The following ARHGAP28 variants were observed in gnomAD, a reference collection of about 807,000 sequenced individuals.
The protein encoded by ARHGAP28 is rho GTPase-activating protein 28.
Under a neutral mutation model 90.7 loss-of-function variants are expected in ARHGAP28, and 56 were observed. The observed-to-expected ratio is 0.62, with a 90% CI of 0.50 to 0.77. The LOEUF (loss-of-function observed/expected upper bound fraction) is 0.77. Ranked by LOEUF, ARHGAP28 falls within the 30% of genes least tolerant of loss-of-function variation. The pLI, the probability that ARHGAP28 is intolerant of heterozygous loss-of-function variation, is 0.00. For synonymous variants in ARHGAP28, 308 were observed against 323.3 expected, an observed-to-expected ratio of 0.95 and a Z score of 0.51; for missense variants, 869 against 900.9, an observed-to-expected ratio of 0.96 and a Z score of 0.45.
At chr18:6,828,151 C>G (rs1182275334) in intron 2 of ARHGAP28, among the ~76,000 whole-genome samples, 1 of 152,180 alleles carries the variant, frequency 6.6e-6, no homozygotes, top group Non-Finnish European at 1.5e-5. Context: ...GAGCTGGAGA[C>G]CAGCCCGGCC....
intron 12 of ARHGAP28, among the ~76,000 whole-genome samples, chr18:6,888,816 C>T (rs893479486): frequency 2.1e-4 from 32 of 152,126 alleles, no homozygotes; most frequent in African/African-American, 7.5e-4. Flanking sequence ...CTCTCTCTCT[C>T]TCTGTCTCTC....
At chr18:6,787,023 C>T (rs144102440) in intron 1 of ARHGAP28, among the ~76,000 whole-genome samples, 2 of 151,988 alleles carry the variant, frequency 1.3e-5, no homozygotes, top group Non-Finnish European at 2.9e-5. Flanking sequence ...AGTTTGAGAC[C>T]AGCCTGGCCA....
At chr18:6,873,078 G>C (rs2057102636) in intron 7 of ARHGAP28, among the ~76,000 whole-genome samples, 1 of 152,124 alleles carries the variant, frequency 6.6e-6, no homozygotes, top group African/African-American at 2.4e-5. Flanking sequence ...TTCCAATTAA[G>C]GGCCATGGTG....
intron 1 of ARHGAP28, among the ~76,000 whole-genome samples, chr18:6,802,921 T>C (rs2056492687): frequency 6.6e-6 from 1 of 152,188 alleles, no homozygotes; most frequent in Non-Finnish European, 1.5e-5. Flanking sequence ...AATACAATTA[T>C]TGTTTTCTAT....
chr18:6,799,355 T>C (rs1168971090), intron 1 of ARHGAP28, among the ~76,000 whole-genome samples: 3 of 152,160 alleles, frequency 2.0e-5, no homozygotes, highest in Non-Finnish European at 4.4e-5. Flanking sequence ...CAAGCTACCA[T>C]TGACTTTCTT....
intron 9 of ARHGAP28, chr18:6,874,961 G>A (rs563447008): frequency 2.6e-4 from 40 of 152,386 alleles, no homozygotes; most frequent in Middle Eastern, 3.4e-3. Context: ...TCAGCAAGAG[G>A]TGGAGTGGGA....
At chr18:6,736,558 G>A (rs1478341290) in intron 1 of ARHGAP28, among the ~76,000 whole-genome samples, 1 of 148,038 alleles carries the variant, frequency 6.8e-6, no homozygotes, top group Non-Finnish European at 1.5e-5. Context: ...TGACTAACAT[G>A]GTGAAACCCC....
At chr18:6,849,611 A>T (rs2056893865) in intron 3 of ARHGAP28, among the ~76,000 whole-genome samples, 1 of 152,212 alleles carries the variant, frequency 6.6e-6, no homozygotes, top group South Asian at 2.1e-4. Flanking sequence ...TAAATTGGTG[A>T]GTATCAAGAT....
intron 1 of ARHGAP28, among the ~76,000 whole-genome samples, chr18:6,778,795 A>G (rs1448577146): frequency 6.6e-6 from 1 of 152,086 alleles, no homozygotes; most frequent in East Asian, 1.9e-4. Flanking sequence ...GACTGTCTGG[A>G]AATGTTTTTA....
Position 6,788,332 on chromosome 18 carries a change from C to T in ARHGAP28, c.123-36430C>T, listed in dbSNP as rs192936709. Among the ~76,000 whole-genome samples, 354 of 152,240 alleles carry T rather than the reference C, an allele frequency of 2.3e-3. 1 individual carries two copies. The highest frequency in any genetic ancestry group is 7.3e-3 in the African/African-American group (305 of 41,564). ...AGTTTCCTGAGGCCTCCCCAGAAGC[C>T]GAGCAGATGCCAGCATCATGCTTCC... On this transcript the variant is annotated intron_variant, in intron 1 of 17. Coordinates refer to ENST00000383472, the MANE Select transcript of ARHGAP28 (RefSeq NM_001366230.1).
chr18:6,745,640 C>G (rs2056016890), intron 1 of ARHGAP28, among the ~76,000 whole-genome samples: 1 of 152,186 alleles, frequency 6.6e-6, no homozygotes, highest in South Asian at 2.1e-4. Flanking sequence ...CCTTCAATTA[C>G]TCCTTCCAGG....
intron 1 of ARHGAP28, among the ~76,000 whole-genome samples, chr18:6,764,833 AATTACGGGCAGTTGCTGTCTGGCC>A (rs1434020604): frequency 5.4e-4 from 83 of 152,322 alleles, no homozygotes; most frequent in African/African-American, 1.2e-3. Context: ...TAATGTTAGA[AATTACGGGCAGTTGCTGTCTGGCC>A]ATTTTATTTC....
At chr18:6,801,783 C>G (rs1329211553) in intron 1 of ARHGAP28, among the ~76,000 whole-genome samples, 1 of 152,020 alleles carries the variant, frequency 6.6e-6, no homozygotes, top group Non-Finnish European at 1.5e-5. Context: ...TTATTCCCTT[C>G]TTAGCTATAT....
chr18:6,891,788 T>A (rs1436722060), intron 14 of ARHGAP28, among the ~76,000 whole-genome samples: 2 of 152,124 alleles, frequency 1.3e-5, no homozygotes, highest in Non-Finnish European at 2.9e-5. Context: ...GATGGGGGTC[T>A]TGCTGTATTG....
chr18:6,832,834 A>G (rs1021864197), intron 2 of ARHGAP28, among the ~76,000 whole-genome samples: 7 of 152,096 alleles, frequency 4.6e-5, no homozygotes, highest in Middle Eastern at 3.4e-3. Flanking sequence ...CTATGCTTAC[A>G]TTTCAGCTAT....
At chr18:6,825,825 A>G (rs2056658393) in intron 2 of ARHGAP28, among the ~76,000 whole-genome samples, 1 of 152,176 alleles carries the variant, frequency 6.6e-6, no homozygotes, top group African/African-American at 2.4e-5. Context: ...CATCTTGTAT[A>G]TGTATCACAT....
At position 6,768,148 on chromosome 18, in the gene ARHGAP28, A is replaced by G. The variant is rs147445968; in HGVS notation, c.122+38205A>G. On this transcript the variant is annotated intron_variant, in intron 1 of 17. Transcript: ENST00000383472. ...ATTTTGTTCATTTCCAGAAAGTTTT[A>G]TTTTCTTATCTCCCATTTCTCTCCT... Among the ~76,000 whole-genome samples, 5 of 151,746 alleles carry G rather than the reference A, an allele frequency of 3.3e-5. No individual in the cohort carries two copies. In the East Asian group the frequency reaches 7.7e-4, roughly 24 times the overall value.
chr18:6,863,650 T>G (rs530661283), intron 5 of ARHGAP28, among the ~76,000 whole-genome samples: 51 of 151,986 alleles, frequency 3.4e-4, no homozygotes, highest in Non-Finnish European at 6.2e-4. Flanking sequence ...TTGGAGCCAT[T>G]TATCGAACTA....
At chr18:6,812,731 G>A (rs1352939289) in intron 1 of ARHGAP28, among the ~76,000 whole-genome samples, 1 of 152,212 alleles carries the variant, frequency 6.6e-6, no homozygotes, top group Non-Finnish European at 1.5e-5. Context: ...CCCACAGTGT[G>A]AAGTGTCAGC....
Sources: allele counts gnomAD v4.1 joint callset (sites outside exome capture counted in the v4.1 genomes callset), GRCh38; gene constraint gnomAD v4.1.1; transcripts MANE v1.5; gene names NCBI Gene and HGNC (gene_info 2026-07-23, HGNC 2026-07-21).